Variants in ATXN10 observed in about 807,000 individuals in gnomAD.
The protein encoded by ATXN10 is ataxin-10.
Under a neutral mutation model 52.9 loss-of-function variants are expected in ATXN10, and 28 were observed. That is an observed-to-expected ratio of 0.53 (90% CI 0.39 to 0.73). The LOEUF is 0.73. Ranked by LOEUF, ATXN10 falls within the 30% of genes least tolerant of loss-of-function variation. The pLI, the probability that ATXN10 is intolerant of heterozygous loss-of-function variation, is 0.00. For synonymous variants in ATXN10, 226 were observed against 221.5 expected (o/e 1.02, Z -0.18); for missense variants, 565 against 577.0 (o/e 0.98, Z 0.21).
At position 45,784,998 on chromosome 22, in the gene ATXN10, A is replaced by G. The variant is rs1246287422; in HGVS notation, c.1174-21961A>G. Among the ~76,000 whole-genome samples the G allele has an allele frequency of 6.6e-6, 1 of 152,228 alleles. No individual in the cohort carries two copies. Among genetic ancestry groups the G allele is most frequent in the Non-Finnish European group, 1.5e-5 (1 of 68,040 alleles). On this transcript the variant is annotated intron_variant, in intron 9 of 11. Coordinates refer to ENST00000252934, the MANE Select transcript of ATXN10 (RefSeq NM_013236.4). The surrounding 1 kb of genome is among the most constrained non-coding windows in gnomAD (Gnocchi z 4.2). ...ATGATGCATTATGGGTGGGGATTGCACCCCAAGTAGCAGAGGCAGAATGCA... is the reference window on the plus strand; with the variant it reads ...ATGATGCATTATGGGTGGGGATTGCGCCCCAAGTAGCAGAGGCAGAATGCA...
chr22:45,742,280 A>G (rs905694004), intron 9 of ATXN10, among the ~76,000 whole-genome samples: 15 of 152,166 alleles, frequency 9.9e-5, no homozygotes, highest in African/African-American at 3.6e-4. Flanking sequence ...ACAGTTTACA[A>G]TTGCTTGACG....
intron 9 of ATXN10, among the ~76,000 whole-genome samples, chr22:45,767,904 G>T (rs1926643586): frequency 6.6e-6 from 1 of 152,160 alleles, no homozygotes; most frequent in African/African-American, 2.4e-5. Context: ...CTTACACTGT[G>T]TGTATGTGTA....
At chr22:45,792,825 A>G in intron 9 of ATXN10, 1 of 531,624 alleles carries the variant, frequency 1.9e-6, no homozygotes. Flanking sequence ...TAATGAGGCC[A>G]AAAGAGTCAT....
chr22:45,765,958 A>G (rs1601632654), intron 9 of ATXN10, among the ~76,000 whole-genome samples: 1 of 152,222 alleles, frequency 6.6e-6, no homozygotes, highest in Non-Finnish European at 1.5e-5. Flanking sequence ...AGCTAGTTCT[A>G]CCAGATACTA....
At position 45,841,510 on chromosome 22, in the gene ATXN10, G is replaced by T. The variant is rs57788043; in HGVS notation, c.1238-1481G>T. Among the ~76,000 whole-genome samples, 2,300 of 152,328 alleles carry T rather than the reference G, an allele frequency of 0.015. 74 individuals are homozygous for T. The highest frequency in any genetic ancestry group is 0.053 in the African/African-American group (2,192 of 41,546). Reference sequence around the variant, plus strand: ...AGGAGCTGGGAGACACAGGCCAGGAGCTTAAGTGCTGTGAGTAGGGAAGCA... The same window carrying T: ...AGGAGCTGGGAGACACAGGCCAGGATCTTAAGTGCTGTGAGTAGGGAAGCA... On this transcript the variant is annotated intron_variant, in intron 10 of 11. Transcript: ENST00000252934. This position sits in a 1 kb window ranked among gnomAD's most constrained non-coding sequence, Gnocchi z 5.1.
chr22:45,691,555 C>G (rs1208255123), intron 2 of ATXN10, among the ~76,000 whole-genome samples: 1 of 152,232 alleles, frequency 6.6e-6, no homozygotes. Flanking sequence ...GACTCTAAAG[C>G]TTAAGCTTAA....
Position 45,727,194 on chromosome 22 carries a change from A to G in ATXN10, c.729-2231A>G, listed in dbSNP as rs1345932877. On this transcript the variant is annotated intron_variant, in intron 6 of 11. Coordinates refer to ENST00000252934, the MANE Select transcript of ATXN10 (RefSeq NM_013236.4). The surrounding 1 kb of genome is among the most constrained non-coding windows in gnomAD (Gnocchi z 4.6). ...TCTTGATTTCATTGTTAACCCCCAA[A>G]TCATGCAGGAGCAGCTTGTTTAATT... Among the ~76,000 whole-genome samples the G allele has an allele frequency of 6.6e-6, 1 of 152,130 alleles. No individual in the cohort carries two copies. Among genetic ancestry groups the G allele is most frequent in the Admixed American group, 6.5e-5 (1 of 15,272 alleles).
At position 45,835,146 on chromosome 22, in the gene ATXN10, A is replaced by C. The variant is rs1424088366; in HGVS notation, c.1238-7845A>C. On this transcript the variant is annotated intron_variant, in intron 10 of 11. Coordinates refer to ENST00000252934, the MANE Select transcript of ATXN10 (RefSeq NM_013236.4). The surrounding 1 kb of genome is among the most constrained non-coding windows in gnomAD (Gnocchi z 5.0). The stretch of plus-strand genomic sequence containing the variant: ...GAGGTACCTGTGAGCGCGGCCCTCC[A>C]TCGGCCACAGAAGCTTTTGGAGTGG... Among the ~76,000 whole-genome samples the C allele has an allele frequency of 6.6e-6, 1 of 152,216 alleles. No individual in the cohort carries two copies. Among genetic ancestry groups the C allele is most frequent in the African/African-American group, 2.4e-5 (1 of 41,456 alleles).
rs747614949 is a variant in ATXN10, at chr22:45,770,428, GAC to G, written c.1173+29897_1173+29898del. ...ATGTGATGAATATACACACTAATGG[GAC>G]ACACACGTGTGTTTCTGTGTCTGTG... On this transcript the variant is annotated intron_variant, in intron 9 of 11. Coordinates refer to ENST00000252934, the MANE Select transcript of ATXN10 (RefSeq NM_013236.4). The surrounding 1 kb of genome is among the most constrained non-coding windows in gnomAD (Gnocchi z 4.5). Among the ~76,000 whole-genome samples the G allele has an allele frequency of 6.6e-6, 1 of 152,220 alleles. No individual in the cohort carries two copies. Among genetic ancestry groups the G allele is most frequent in the Admixed American group, 6.5e-5 (1 of 15,292 alleles).
intron 1 of ATXN10, chr22:45,672,624 C>A (rs9614502): frequency 3.9e-5 from 6 of 152,950 alleles, no homozygotes; most frequent in African/African-American, 1.4e-4. Context: ...ATGGCAGTCT[C>A]TAGGCATGGA....
chr22:45,834,793 T>C (rs1268422699), intron 10 of ATXN10, among the ~76,000 whole-genome samples: 1 of 152,212 alleles, frequency 6.6e-6, no homozygotes, highest in Non-Finnish European at 1.5e-5. Context: ...GTGGCCTGAA[T>C]GTCTGCGGTG....
In ATXN10 at chr22:45,740,612, C is replaced by G. The variant is rs535906036; in HGVS notation, c.1173+74C>G. ...ATATAGTCCTTGGAAGACATTCACT[C>G]TTTTGGAGTGAAAGCTTGAGGTGCT... On this transcript the variant is annotated intron_variant, in intron 9 of 11. Coordinates refer to ENST00000252934, the MANE Select transcript of ATXN10 (RefSeq NM_013236.4). The G allele has an allele frequency of 2.7e-6, 4 of 1,477,812 alleles. No individual in the cohort carries two copies. In the Admixed American group the frequency reaches 5.1e-5, roughly 19 times the overall value. The allele number at this position is 1,477,812 out of a possible 1,614,324, so 91.5% of individuals were successfully genotyped here.
In ATXN10 at chr22:45,738,778, T is replaced by C; in HGVS notation, c.942T>C (p.Thr314=). ...TTCTCGACGTCCTGTGCGAAATGAC[T>C]GTGAATACTGAGCTGCTCGGCTATC... ...IRLLDVLCEM[T]VNTELLGYLQ... is the part of the protein sequence containing the mutation. The change falls in exon 8 of 12, where the codon ACT becomes ACC. Residue 314 remains threonine (T), a synonymous_variant. Coordinates refer to ENST00000252934, the MANE Select transcript of ATXN10 (RefSeq NM_013236.4). 6.2e-7 allele frequency: 1 copy of C among 1,614,206 alleles called. No homozygotes were observed. Among genetic ancestry groups the C allele is most frequent in the South Asian group, 1.1e-5 (1 of 91,090 alleles).
chr22:45,815,368 A>G (rs1242642021), intron 10 of ATXN10, among the ~76,000 whole-genome samples: 1 of 152,174 alleles, frequency 6.6e-6, no homozygotes, highest in Non-Finnish European at 1.5e-5. Flanking sequence ...GATGCTGGAC[A>G]TGTTTTCAGT....
intron 1 of ATXN10, among the ~76,000 whole-genome samples, chr22:45,680,817 C>T (rs140570335): frequency 1.3e-5 from 2 of 152,194 alleles, no homozygotes; most frequent in East Asian, 1.9e-4. Flanking sequence ...TTCTTAAGAT[C>T]CTTCTCTATG....
At chr22:45,719,161 G>T (rs1417759019) in intron 6 of ATXN10, among the ~76,000 whole-genome samples, 2 of 151,650 alleles carry the variant, frequency 1.3e-5, no homozygotes, top group Non-Finnish European at 2.9e-5. Flanking sequence ...CATTTCAATA[G>T]AATATATTTT....
chr22:45,671,977 C>T lies in ATXN10; in HGVS notation c.-87C>T, dbSNP rs1168822077. The T allele has an allele frequency of 3.5e-6, 5 of 1,444,682 alleles. No homozygotes were observed. The Admixed American group carries it at 1.0e-4, about 29-fold the overall frequency. The allele number at this position is 1,444,682 out of a possible 1,614,324, so 89.5% of individuals were successfully genotyped here. Reference sequence around the variant, plus strand: ...AGGCCTCCCCCTTCCTCCTCGCCATCCTACTCCTCCCTCCTCGTCATCCTC... The same window carrying T: ...AGGCCTCCCCCTTCCTCCTCGCCATTCTACTCCTCCCTCCTCGTCATCCTC... On this transcript the variant is annotated 5_prime_UTR_variant, in exon 1 of 12. Transcript: ENST00000252934.
At chr22:45,830,411 A>G (rs1301571135) in intron 10 of ATXN10, among the ~76,000 whole-genome samples, 1 of 152,264 alleles carries the variant, frequency 6.6e-6, no homozygotes, top group African/African-American at 2.4e-5. Context: ...CATTCAACAG[A>G]GTGAAAATGT....
intron 3 of ATXN10, among the ~76,000 whole-genome samples, chr22:45,699,110 T>C (rs924448167): frequency 2.0e-5 from 3 of 152,230 alleles, no homozygotes; most frequent in Admixed American, 2.0e-4. Context: ...GCATGAGTTA[T>C]TTTAATTGAG....
Sources: gnomAD v4.1 joint callset for allele counts (sites outside exome capture counted in the v4.1 genomes callset) on GRCh38, gnomAD v4.1.1 for gene constraint, Gnocchi (gnomAD v3.1) non-coding constraint, MANE v1.5 for transcripts, NCBI Gene and HGNC (gene_info 2026-07-23, HGNC 2026-07-21) for gene names.